Variants in PLA2G4A observed in about 807,000 individuals in gnomAD.
PLA2G4A encodes cytosolic phospholipase A2.
PLA2G4A carries 40 observed loss-of-function variants against 81.9 expected under a neutral mutation model. The ratio of observed to expected loss-of-function variants is 0.49; its 90% confidence interval spans 0.38 to 0.64. The LOEUF (loss-of-function observed/expected upper bound fraction) is 0.64, where lower values mean the gene tolerates loss of function less well. Among genes scored for constraint, PLA2G4A ranks in the 30% least tolerant of loss-of-function variants. The pLI is 0.00. For synonymous variants in PLA2G4A, 302 were observed against 296.9 expected, an observed-to-expected ratio of 1.02 and a Z score of -0.18; for missense variants, 715 against 905.1, an observed-to-expected ratio of 0.79 and a Z score of 2.69.
chr1:186,844,427 CT>C (rs1323933746), intron 1 of PLA2G4A, among the ~76,000 whole-genome samples: 1 of 152,174 alleles, frequency 6.6e-6, no homozygotes, highest in East Asian at 1.9e-4. Context: ...ATATAATGCT[CT>C]CTTTGCTTTT....
chr1:186,934,337 A>C (rs1236342341), intron 8 of PLA2G4A, among the ~76,000 whole-genome samples: 1 of 151,586 alleles, frequency 6.6e-6, no homozygotes, highest in Non-Finnish European at 1.5e-5. Flanking sequence ...GCTTGATTAG[A>C]GATATAGTCA....
intron 1 of PLA2G4A, among the ~76,000 whole-genome samples, chr1:186,842,245 G>T (rs572679742): frequency 6.6e-6 from 1 of 151,966 alleles, no homozygotes; most frequent in African/African-American, 2.4e-5. Context: ...GTTTCACAGT[G>T]TTGCCCAGGC....
chr1:186,899,460 G>A (rs965448903), intron 5 of PLA2G4A, among the ~76,000 whole-genome samples: 1 of 152,098 alleles, frequency 6.6e-6, no homozygotes, highest in Admixed American at 6.5e-5. Context: ...CTCTAAAGGG[G>A]CAGAAGGTAG....
intron 5 of PLA2G4A, among the ~76,000 whole-genome samples, chr1:186,906,231 A>G (rs1275835157): frequency 1.3e-5 from 2 of 152,230 alleles, no homozygotes; most frequent in East Asian, 3.8e-4. Flanking sequence ...TAATATTGAA[A>G]AGGCCTTTCT....
At chr1:186,944,233 C>G (rs543300057) in intron 10 of PLA2G4A, among the ~76,000 whole-genome samples, 2 of 152,012 alleles carry the variant, frequency 1.3e-5, no homozygotes, top group Admixed American at 1.3e-4. Context: ...TACATGGAAG[C>G]GCAGGAGAGA....
intron 3 of PLA2G4A, among the ~76,000 whole-genome samples, chr1:186,883,934 G>A (rs1039430005): frequency 6.6e-6 from 1 of 152,088 alleles, no homozygotes; most frequent in Non-Finnish European, 1.5e-5. Context: ...TTTGATGTAG[G>A]AGAGAAAAGA....
intron 16 of PLA2G4A, among the ~76,000 whole-genome samples, chr1:186,978,156 G>A (rs894414621): frequency 2.6e-5 from 4 of 152,112 alleles, no homozygotes; most frequent in Non-Finnish European, 4.4e-5. Flanking sequence ...GGAATTTTAC[G>A]TGACTACAAG....
intron 1 of PLA2G4A, among the ~76,000 whole-genome samples, chr1:186,829,989 T>C (rs1167880841): frequency 6.6e-6 from 1 of 152,208 alleles, no homozygotes; most frequent in Non-Finnish European, 1.5e-5. Flanking sequence ...TTTGTATTTT[T>C]GTTTCTCTTT....
intron 14 of PLA2G4A, among the ~76,000 whole-genome samples, chr1:186,958,614 G>T (rs1243241412): frequency 2.0e-5 from 3 of 152,180 alleles, no homozygotes; most frequent in African/African-American, 7.2e-5. Flanking sequence ...TCTTGACATT[G>T]CTTCCAAGCT....
At chr1:186,901,910 A>G (rs893131181) in intron 5 of PLA2G4A, among the ~76,000 whole-genome samples, 1 of 152,150 alleles carries the variant, frequency 6.6e-6, no homozygotes, top group African/African-American at 2.4e-5. Context: ...TGGTAGGAAA[A>G]GCTAATTTGT....
chr1:186,960,812 A>C (rs1310274809), intron 14 of PLA2G4A, among the ~76,000 whole-genome samples: 1 of 152,232 alleles, frequency 6.6e-6, no homozygotes, highest in African/African-American at 2.4e-5. Context: ...TAGCATTTTC[A>C]TATAAAGTGC....
chr1:186,907,566 C>T (rs1654785467), intron 6 of PLA2G4A, among the ~76,000 whole-genome samples: 1 of 152,162 alleles, frequency 6.6e-6, no homozygotes, highest in South Asian at 2.1e-4. Flanking sequence ...GCAAGTCTGC[C>T]TTGATCTAAC....
chr1:186,968,193 A>G (rs1245255585), intron 15 of PLA2G4A, among the ~76,000 whole-genome samples: 1 of 152,088 alleles, frequency 6.6e-6, no homozygotes, highest in Admixed American at 6.6e-5. Flanking sequence ...CACCACCTTA[A>G]TGAGTTGGAG....
intron 8 of PLA2G4A, among the ~76,000 whole-genome samples, chr1:186,938,783 A>C (rs6662822): frequency 0.31 from 46,432 of 152,004 alleles, 9,638 homozygotes; most frequent in African/African-American, 0.58. Flanking sequence ...TGTGGATGAA[A>C]GTTCAGTGTT....
chr1:186,863,777 T>TTTTG (rs759104881), intron 2 of PLA2G4A, among the ~76,000 whole-genome samples: 6 of 148,326 alleles, frequency 4.0e-5, no homozygotes, highest in African/African-American at 1.5e-4. Context: ...TTTTTTTTTT[T>TTTTG]GGGGACAGAG....
chr1:186,880,328 T>G (rs1653682413), intron 3 of PLA2G4A, among the ~76,000 whole-genome samples: 2 of 151,996 alleles, frequency 1.3e-5, no homozygotes, highest in Non-Finnish European at 2.9e-5. Flanking sequence ...GAACAATATT[T>G]AAAGTGAGAT....
chr1:186,966,269 T>C (rs919507624), intron 15 of PLA2G4A, among the ~76,000 whole-genome samples: 1 of 151,998 alleles, frequency 6.6e-6, no homozygotes, highest in Admixed American at 6.6e-5. Context: ...GTTTACATAC[T>C]GATGGCTAGG....
At chr1:186,932,964 A>G in intron 8 of PLA2G4A, 65 bp downstream of exon 8, 2 of 1,170,620 alleles carry the variant, frequency 1.7e-6, no homozygotes, top group Non-Finnish European at 2.5e-6. Flanking sequence ...TAACTCAAGC[A>G]CTAGAAGAGA....
intron 15 of PLA2G4A, 103 bp downstream of exon 15, chr1:186,965,696 T>C: frequency 1.2e-6 from 1 of 843,234 alleles, no homozygotes; most frequent in Non-Finnish European, 2.1e-6. Context: ...CTTTAATGTA[T>C]TTTCTACATC....
Sources: gnomAD v4.1 joint callset for allele counts (sites outside exome capture counted in the v4.1 genomes callset) on GRCh38, gnomAD v4.1.1 for gene constraint, MANE v1.5 for transcripts, NCBI Gene and HGNC (gene_info 2026-07-23, HGNC 2026-07-21) for gene names.